NFIB: variants seen among roughly 807,000 people sequenced by gnomAD.
The protein encoded by NFIB is nuclear factor I B.
NFIB carries 11 observed loss-of-function variants against 61.5 expected under a neutral mutation model. That is an observed-to-expected ratio of 0.18 (90% CI 0.11 to 0.30). The LOEUF (loss-of-function observed/expected upper bound fraction) is 0.30, where lower values mean the gene tolerates loss of function less well. NFIB is among the 10% of genes least tolerant of loss of function. The probability of loss-of-function intolerance (pLI) is 1.00; values close to 1 mark genes in which losing one functional copy is unlikely to be tolerated. For missense variants in NFIB, 471 were observed against 608.9 expected (o/e 0.77, Z 2.38); for synonymous variants, 260 against 216.5 (o/e 1.20, Z -1.76).
At chr9:14,530,086 T>A in the NFIB span, among the ~76,000 whole-genome samples, 1 of 152,220 alleles carries the variant, frequency 6.6e-6, no homozygotes, top group Non-Finnish European at 1.5e-5. Context: ...CTTTTTACTT[T>A]TCCCCAACAG....
In NFIB at chr9:14,267,766, C is replaced by T. The variant is rs571413709; in HGVS notation, c.562+39223G>A. 4.6e-5 allele frequency among the ~76,000 whole-genome samples: 7 copies of T among 152,276 alleles called. No homozygotes were observed. In the South Asian group the frequency reaches 8.3e-4, roughly 18 times the overall value. On this transcript the variant is annotated intron_variant, in intron 2 of 10. Transcript: ENST00000380953. ...CTGTATCCAAAGCCATTAGGAACATCGGTGGTATGACAGGTGCTCATTTAA... is the reference window on the plus strand; with the variant it reads ...CTGTATCCAAAGCCATTAGGAACATTGGTGGTATGACAGGTGCTCATTTAA...
chr9:14,275,691 C>T (rs1053949202), intron 2 of NFIB, among the ~76,000 whole-genome samples: 1 of 152,066 alleles, frequency 6.6e-6, no homozygotes, highest in Non-Finnish European at 1.5e-5. Flanking sequence ...TACTAAGAAA[C>T]TGATGTAAAA....
rs2060385579 is a variant in NFIB at position 14,313,415 on chromosome 9, G to A, written c.30+67C>T. 5.0e-6 allele frequency: 8 copies of A among 1,606,806 alleles called. No homozygotes were observed. The highest frequency in any genetic ancestry group is 1.7e-4 in the Middle Eastern group (1 of 6,032). ...GGTTAACTCAAGCCGCTAATTGTCC[G>A]CAACAAAACAAAACAAAGGCATTTC... On this transcript the variant is annotated intron_variant, in intron 1 of 10. Coordinates refer to ENST00000380953, the MANE Select transcript of NFIB (RefSeq NM_001190737.2). This position sits in a 1 kb window ranked among gnomAD's most constrained non-coding sequence, Gnocchi z 4.5.
chr9:14,379,560 T>C (rs2061459355), intron 1 of NFIB, among the ~76,000 whole-genome samples: 1 of 152,180 alleles, frequency 6.6e-6, no homozygotes, highest in East Asian at 1.9e-4. Context: ...TCAAAGTCCT[T>C]ATGTCACTGT....
chr9:14,521,365 G>A, the NFIB span, among the ~76,000 whole-genome samples: 1 of 152,082 alleles, frequency 6.6e-6, no homozygotes, highest in African/African-American at 2.4e-5. Context: ...GAAGTCCTTT[G>A]ATGTCTTTGG....
chr9:14,395,469 G>A (rs1320617210), intron 1 of NFIB, among the ~76,000 whole-genome samples: 1 of 151,992 alleles, frequency 6.6e-6, no homozygotes, highest in Non-Finnish European at 1.5e-5. Flanking sequence ...TTGTGGCCTG[G>A]ATGAATTCAA....
At chr9:14,373,172 A>G (rs191834125) in intron 1 of NFIB, among the ~76,000 whole-genome samples, 56 of 152,332 alleles carry the variant, frequency 3.7e-4, no homozygotes, top group African/African-American at 1.2e-3. Flanking sequence ...ATTCACCTTG[A>G]ATAAGAGGAC....
At chr9:14,514,871 G>A in the NFIB span, among the ~76,000 whole-genome samples, 5 of 151,886 alleles carry the variant, frequency 3.3e-5, no homozygotes, top group African/African-American at 7.3e-5. Context: ...GAAAGACTTG[G>A]GCATCTTATA....
the NFIB span, among the ~76,000 whole-genome samples, chr9:14,439,407 T>G: frequency 6.6e-6 from 1 of 152,180 alleles, no homozygotes; most frequent in Admixed American, 6.5e-5. Flanking sequence ...GACAAATGAT[T>G]TAATCTTTCT....
the NFIB span, among the ~76,000 whole-genome samples, chr9:14,465,351 ATC>A: frequency 2.0e-5 from 3 of 152,182 alleles, no homozygotes; most frequent in African/African-American, 7.2e-5. Flanking sequence ...ACAGAAAGAA[ATC>A]ACACAAATTC....
chr9:14,163,563 C>A (rs959230323), intron 3 of NFIB, among the ~76,000 whole-genome samples: 1 of 151,648 alleles, frequency 6.6e-6, no homozygotes, highest in Non-Finnish European at 1.5e-5. Context: ...ATAAAAGGCA[C>A]AATTAATAAA....
At chr9:14,269,407 T>C (rs979693182) in intron 2 of NFIB, among the ~76,000 whole-genome samples, 3 of 152,204 alleles carry the variant, frequency 2.0e-5, no homozygotes, top group African/African-American at 7.2e-5. Flanking sequence ...ATTTCTTCAA[T>C]ACTTTCAGTA....
rs71321971 is a variant in NFIB, at chr9:14,237,763, A to AGTGTGTGTGTGTGT, written c.563-57997_563-57984dup. 1.1e-4 allele frequency among the ~76,000 whole-genome samples: 9 copies of AGTGTGTGTGTGTGT among 85,068 alleles called. 1 individual carries two copies. Among genetic ancestry groups the AGTGTGTGTGTGTGT allele is most frequent in the African/African-American group, 2.8e-4 (6 of 21,102 alleles). The allele number at this position is 85,068 out of a possible 152,430, so 55.8% of individuals were successfully genotyped here. A position where few individuals can be genotyped will look rare whatever the true frequency, so the allele number is the denominator to read the frequency against. ...AGCTCCTCACCCTGCTAGGTATAAC[A>AGTGTGTGTGTGTGT]GTGTGTGTGTGTGTGTGTGTGTGTG... On this transcript the variant is annotated intron_variant, in intron 2 of 10. Coordinates refer to ENST00000380953, the MANE Select transcript of NFIB (RefSeq NM_001190737.2).
intron 9 of NFIB, among the ~76,000 whole-genome samples, chr9:14,115,663 T>C (rs1563799741): frequency 6.6e-6 from 1 of 152,194 alleles, no homozygotes; most frequent in Non-Finnish European, 1.5e-5. Flanking sequence ...GTAGCTTACA[T>C]GTGCCTAATA....
At chr9:14,134,648 T>C (rs567492883) in intron 6 of NFIB, among the ~76,000 whole-genome samples, 127 of 152,186 alleles carry the variant, frequency 8.3e-4, no homozygotes, top group Non-Finnish European at 1.5e-3. Flanking sequence ...TCCCAGCACT[T>C]TGGGAGGCCG....
At chr9:14,523,187 C>T in the NFIB span, among the ~76,000 whole-genome samples, 4 of 152,072 alleles carry the variant, frequency 2.6e-5, no homozygotes, top group East Asian at 3.9e-4. Flanking sequence ...GGTGACTTTT[C>T]GGGCTCTGGA....
intron 1 of NFIB, among the ~76,000 whole-genome samples, chr9:14,356,696 G>A (rs1482728571): frequency 2.6e-5 from 4 of 152,180 alleles, no homozygotes; most frequent in African/African-American, 7.2e-5. Context: ...GAGTTAGGAG[G>A]GCTGAGCTGG....
At chr9:14,232,292 G>A (rs775890356) in intron 2 of NFIB, among the ~76,000 whole-genome samples, 2 of 152,154 alleles carry the variant, frequency 1.3e-5, no homozygotes, top group Non-Finnish European at 2.9e-5. Context: ...ATGAGACCCC[G>A]TAAAGCATCT....
At chr9:14,100,424 T>C (rs2035569306) in intron 10 of NFIB, among the ~76,000 whole-genome samples, 1 of 152,084 alleles carries the variant, frequency 6.6e-6, no homozygotes, top group Non-Finnish European at 1.5e-5. Context: ...AAAAAATTAC[T>C]GTGGCCGGGC....
Sources: gnomAD v4.1 joint callset for allele counts (sites outside exome capture counted in the v4.1 genomes callset) on GRCh38, gnomAD v4.1.1 for gene constraint, Gnocchi (gnomAD v3.1) non-coding constraint, MANE v1.5 for transcripts, NCBI Gene and HGNC (gene_info 2026-07-23, HGNC 2026-07-21) for gene names.